ULK2: variants seen among roughly 807,000 people sequenced by gnomAD.
ULK2 encodes the protein serine/threonine-protein kinase ULK2.
In ULK2, 76 loss-of-function variants were observed where a neutral mutation model predicts 127.5. The observed-to-expected ratio is 0.60, with a 90% CI of 0.50 to 0.72. The LOEUF is 0.72. ULK2 is among the 30% of genes least tolerant of loss of function. The pLI is 0.00. For synonymous variants in ULK2, 452 were observed against 461.9 expected, an observed-to-expected ratio of 0.98 and a Z score of 0.28; for missense variants, 1,144 against 1,295.9, an observed-to-expected ratio of 0.88 and a Z score of 1.80.
chr17:19,821,956 G>T (rs895203810), intron 12 of ULK2, among the ~76,000 whole-genome samples: 1 of 149,392 alleles, frequency 6.7e-6, no homozygotes, highest in East Asian at 2.0e-4. Context: ...AAAGTGCTGG[G>T]ATTACAGGCG....
At chr17:19,790,001 T>C in intron 20 of ULK2, among the ~76,000 whole-genome samples, 1 of 151,698 alleles carries the variant, frequency 6.6e-6, no homozygotes, top group South Asian at 2.1e-4. Flanking sequence ...CTACAACTTT[T>C]CAAGACATAG....
chr17:19,821,430 G>T (rs552593939), intron 12 of ULK2, among the ~76,000 whole-genome samples: 10 of 886 alleles, frequency 0.011, no homozygotes, highest in South Asian at 0.062. Context: ...TTTTGTTTTG[G>T]GGGGGGCCTA....
intron 25 of ULK2, among the ~76,000 whole-genome samples, chr17:19,779,110 CAA>C (rs2086865299): frequency 6.6e-6 from 1 of 152,058 alleles, no homozygotes; most frequent in South Asian, 2.1e-4. Context: ...ATTTATATTC[CAA>C]AGTTATTTTC....
At chr17:19,781,296 T>C (rs2086915864) in intron 23 of ULK2, among the ~76,000 whole-genome samples, 192 bp from the exon 24 acceptor site, 1 of 149,266 alleles carries the variant, frequency 6.7e-6, no homozygotes, top group South Asian at 2.2e-4. Flanking sequence ...GGCCGAAGTA[T>C]AGTGGCTTGA....
chr17:19,841,199 C>T (rs2041744896), intron 9 of ULK2, among the ~76,000 whole-genome samples: 3 of 152,130 alleles, frequency 2.0e-5, no homozygotes, highest in Admixed American at 2.0e-4. Flanking sequence ...AATTCACTTC[C>T]TACTTTATGC....
At position 19,785,988 on chromosome 17, in the gene ULK2, C is replaced by T. The variant is rs1316167354; in HGVS notation, c.2200G>A (p.Ala734Thr). 1 of 1,596,936 alleles carries T rather than the reference C, an allele frequency of 6.3e-7. No homozygotes were observed. Among genetic ancestry groups the T allele is most frequent in the Admixed American group, 1.8e-5 (1 of 56,562 alleles). ...ATGTGGGTACAAGTGGGGGCTGCCG[C>T]ACTGTGTGGAGGAGACCCTACAGTG... ...LFTVGSPPHS[A>T]AAPTCTHMFL... The change falls in exon 21 of 27, where the codon GCG (alanine) becomes ACG (threonine). Residue 734 changes from alanine (A) to threonine (T), a missense_variant. By Grantham distance (58) the Ala-to-Thr change is moderately conservative. Coordinates refer to ENST00000395544, the MANE Select transcript of ULK2 (RefSeq NM_014683.4).
At chr17:19,838,258 A>G (rs2041647133) in intron 10 of ULK2, among the ~76,000 whole-genome samples, 1 of 125,902 alleles carries the variant, frequency 7.9e-6, no homozygotes, top group Non-Finnish European at 1.6e-5. Context: ...TATGGTTTTT[A>G]ATTTGTTTAT....
intron 23 of ULK2, among the ~76,000 whole-genome samples, chr17:19,781,628 C>T (rs1023391955): frequency 5.9e-5 from 9 of 152,018 alleles, no homozygotes; most frequent in Admixed American, 2.6e-4. Flanking sequence ...GTGAAAATAA[C>T]GGATACACTC....
Position 19,849,637 on chromosome 17 carries a change from C to T in ULK2, c.258+105G>A. The T allele has an allele frequency of 6.9e-6, 6 of 864,388 alleles. No homozygotes were observed. In the South Asian group the frequency reaches 1.1e-4, roughly 16 times the overall value. The allele number at this position is 864,388 out of a possible 1,614,324, so 53.5% of individuals were successfully genotyped here. A position where few individuals can be genotyped will look rare whatever the true frequency, so the allele number is the denominator to read the frequency against. On this transcript the variant is annotated intron_variant, in intron 4 of 26. Coordinates refer to ENST00000395544, the MANE Select transcript of ULK2 (RefSeq NM_014683.4). ...ATAATCTACTACCAATTTTAAAGTT[C>T]ATATTAATCAAAAAGGATTTGAAAT...
intron 3 of ULK2, among the ~76,000 whole-genome samples, chr17:19,859,651 T>C (rs1256717172): frequency 6.6e-6 from 1 of 152,004 alleles, no homozygotes; most frequent in African/African-American, 2.4e-5. Flanking sequence ...AGGGAAAAAA[T>C]AGGAAACACT....
intron 12 of ULK2, among the ~76,000 whole-genome samples, chr17:19,818,655 C>T (rs2041055028): frequency 6.6e-6 from 1 of 152,122 alleles, no homozygotes; most frequent in South Asian, 2.1e-4. Flanking sequence ...TAGAACAACT[C>T]CCCTCGGCTC....
Position 19,776,314 on chromosome 17 carries a change from G to T in ULK2, c.*35C>A. On this transcript the variant is annotated 3_prime_UTR_variant, in exon 27 of 27. Transcript: ENST00000395544. The stretch of plus-strand genomic sequence containing the variant: ...TGTAATCCCAAAGGCATCACCTCAC[G>T]TTCCCACCACCGGTCCACGGGATGA... The T allele has an allele frequency of 6.4e-7, 1 of 1,572,220 alleles. No homozygotes were observed. The highest frequency in any genetic ancestry group is 8.6e-7 in the Non-Finnish European group (1 of 1,160,826).
intron 16 of ULK2, among the ~76,000 whole-genome samples, chr17:19,800,066 G>C (rs2087364340): frequency 6.6e-6 from 1 of 152,168 alleles, no homozygotes; most frequent in South Asian, 2.1e-4. Context: ...TCCAGTGCTT[G>C]GGGCTACTTC....
chr17:19,838,461 T>A, intron 10 of ULK2, 40 bp downstream of exon 10: 1 of 1,538,538 alleles, frequency 6.5e-7, no homozygotes, highest in Non-Finnish European at 8.9e-7. Flanking sequence ...TATATAACAA[T>A]AAAATTAGAA....
chr17:19,795,231 G>A (rs532844889), intron 20 of ULK2, among the ~76,000 whole-genome samples: 33 of 150,584 alleles, frequency 2.2e-4, no homozygotes, highest in African/African-American at 7.1e-4. Flanking sequence ...GAGCAACTCC[G>A]AAAGGTTCAG....
chr17:19,778,279 C>CA (rs1397629837), intron 25 of ULK2, among the ~76,000 whole-genome samples: 1 of 152,156 alleles, frequency 6.6e-6, no homozygotes, highest in Non-Finnish European at 1.5e-5. Flanking sequence ...ATTCTAATGC[C>CA]AAGGCACACA....
Position 19,845,984 on chromosome 17 carries a change from G to GGCACATGCCAGCTACTT in ULK2, c.470-624_470-608dup, listed in dbSNP as rs554149911. 3.1e-4 allele frequency among the ~76,000 whole-genome samples: 47 copies of GGCACATGCCAGCTACTT among 152,126 alleles called. No individual in the cohort carries two copies. The East Asian group carries it at 6.2e-3, about 20-fold the overall frequency. ...ACAAAAAAAATTAGCTGGGTGTGGT[G>GGCACATGCCAGCTACTT]GCACATGCCAGCTACTTGCGCATCC... On this transcript the variant is annotated intron_variant, in intron 6 of 26. Transcript: ENST00000395544.
intron 12 of ULK2, among the ~76,000 whole-genome samples, chr17:19,823,126 ATTT>A (rs3884213): frequency 9.7e-5 from 11 of 113,204 alleles, no homozygotes; most frequent in Admixed American, 9.0e-4. Flanking sequence ...ACGCCTGGCT[ATTT>A]TTTTTTTTTT....
rs533721146 is a variant in ULK2, at chr17:19,862,097, CT to C, written c.225+2705del. ...TAGGAAAAACTTAAACATCCTTTTT[CT>C]TTTTTTTTTCCCCCCCGAGATGGAG... On this transcript the variant is annotated intron_variant, in intron 3 of 26. Transcript: ENST00000395544. Among the ~76,000 whole-genome samples the C allele has an allele frequency of 9.3e-3, 1,388 of 149,384 alleles. 19 individuals are homozygous for C. The highest frequency in any genetic ancestry group is 0.03 in the African/African-American group (1,208 of 40,868).
Sources: allele counts gnomAD v4.1 joint callset (sites outside exome capture counted in the v4.1 genomes callset), GRCh38; gene constraint gnomAD v4.1.1; transcripts MANE v1.5; gene names NCBI Gene and HGNC (gene_info 2026-07-23, HGNC 2026-07-21).